The following MTUS2 variants were observed in gnomAD, a reference collection of about 807,000 sequenced individuals.
MTUS2 encodes microtubule-associated tumor suppressor candidate 2.
In MTUS2, 40 loss-of-function variants were observed where a neutral mutation model predicts 114.1. That is an observed-to-expected ratio of 0.35 (90% CI 0.27 to 0.46). The LOEUF is 0.46. Among genes scored for constraint, MTUS2 ranks in the 20% least tolerant of loss-of-function variants. MTUS2 has a pLI of 1.00. For missense variants in MTUS2, 1,679 were observed against 1,705.4 expected (o/e 0.98, Z 0.27); for synonymous variants, 688 against 672.0 (o/e 1.02, Z -0.37).
intron 5 of MTUS2, among the ~76,000 whole-genome samples, chr13:29,168,446 CTCTT>C (rs1893410089): frequency 6.6e-6 from 1 of 152,150 alleles, no homozygotes; most frequent in South Asian, 2.1e-4. Flanking sequence ...TGTGAATTAT[CTCTT>C]CATATTCTCA....
chr13:29,206,282 A>T (rs1219599751), intron 5 of MTUS2, among the ~76,000 whole-genome samples: 3 of 152,108 alleles, frequency 2.0e-5, no homozygotes, highest in Middle Eastern at 6.8e-3. Flanking sequence ...TGCTGATTTG[A>T]GTTTCTCATA....
intron 1 of MTUS2, among the ~76,000 whole-genome samples, chr13:28,835,062 T>A (rs1874976239): frequency 6.6e-6 from 1 of 152,226 alleles, no homozygotes; most frequent in South Asian, 2.1e-4. Flanking sequence ...TGGTACTTGC[T>A]GGTGGGACTG....
rs147372241 is a variant in MTUS2, at chr13:29,224,318, C to T, written c.2645-57386C>T. 2.8e-4 allele frequency among the ~76,000 whole-genome samples: 42 copies of T among 152,240 alleles called. No homozygotes were observed. The East Asian group carries it at 7.9e-3, about 29-fold the overall frequency. On this transcript the variant is annotated intron_variant, in intron 5 of 15. Coordinates refer to ENST00000612955, the MANE Select transcript of MTUS2 (RefSeq NM_001033602.4). ...CTTCATGTCTTCTGTAAGATGTAGTCCTGAGTGCTTTACATTTTTCCAGCT... is the reference window on the plus strand; with the variant it reads ...CTTCATGTCTTCTGTAAGATGTAGTTCTGAGTGCTTTACATTTTTCCAGCT...
At chr13:28,898,043 A>AACCT (rs1879392739) in intron 2 of MTUS2, among the ~76,000 whole-genome samples, 1 of 152,118 alleles carries the variant, frequency 6.6e-6, no homozygotes, top group South Asian at 2.1e-4. Flanking sequence ...TAAAACTTAA[A>AACCT]GTATAAAAAA....
At chr13:28,866,343 C>T (rs1877297705) in intron 2 of MTUS2, among the ~76,000 whole-genome samples, 1 of 152,166 alleles carries the variant, frequency 6.6e-6, no homozygotes, top group African/African-American at 2.4e-5. Flanking sequence ...ATCAGAGCAT[C>T]CTTTTCCTGA....
In MTUS2 at chr13:29,215,266, C is replaced by T. The variant is rs184446890; in HGVS notation, c.2645-66438C>T. On this transcript the variant is annotated intron_variant, in intron 5 of 15. Transcript: ENST00000612955. ...TGTTCTATATAGCAGTTCCTGTAAG[C>T]TTTTATCAAGGTTCTTAGCTTCCTC... Among the ~76,000 whole-genome samples, 12 of 151,952 alleles carry T rather than the reference C, an allele frequency of 7.9e-5. No individual in the cohort carries two copies. In the East Asian group the frequency reaches 2.3e-3, roughly 30 times the overall value.
rs1014774027 is a variant in MTUS2 at position 29,362,729 on chromosome 13, A to G, written c.3117+3256A>G. 5.3e-5 allele frequency among the ~76,000 whole-genome samples: 8 copies of G among 152,330 alleles called. No individual in the cohort carries two copies. The South Asian group carries it at 1.0e-3, about 20-fold the overall frequency. Reference sequence around the variant, plus strand: ...ATGAAAATGAAAATAATTTTCTAGTATAGCTCTTCAGTTGCTGCTATATAT... The same window carrying G: ...ATGAAAATGAAAATAATTTTCTAGTGTAGCTCTTCAGTTGCTGCTATATAT... On this transcript the variant is annotated intron_variant, in intron 8 of 15. Transcript: ENST00000612955.
At position 28,980,334 on chromosome 13, in the gene MTUS2, T is replaced by A. The variant is rs571396175; in HGVS notation, c.-242-44123T>A. On this transcript the variant is annotated intron_variant, in intron 2 of 15. Transcript: ENST00000612955. ...AAAAGTTAAGAGAGACATTAGAAGG[T>A]ATGCTTTGAGAAGTTTTACTGCCAA... Among the ~76,000 whole-genome samples, 120 of 152,318 alleles carry A rather than the reference T, an allele frequency of 7.9e-4. 3 individuals carry two copies. In the South Asian group the frequency reaches 0.024, roughly 30 times the overall value.
intron 2 of MTUS2, among the ~76,000 whole-genome samples, chr13:29,001,457 T>G (rs1885380385): frequency 6.6e-6 from 1 of 151,712 alleles, no homozygotes; most frequent in African/African-American, 2.4e-5. Flanking sequence ...AAAGGAGGAG[T>G]CAGGGGTGAC....
At chr13:29,056,414 A>C (rs326512) in intron 4 of MTUS2, among the ~76,000 whole-genome samples, 1 of 152,092 alleles carries the variant, frequency 6.6e-6, no homozygotes, top group South Asian at 2.1e-4. Flanking sequence ...AGTGGAAATG[A>C]TACCAATTCT....
chr13:29,142,711 A>C (rs957306976), intron 5 of MTUS2, among the ~76,000 whole-genome samples: 11 of 152,206 alleles, frequency 7.2e-5, no homozygotes, highest in African/African-American at 2.7e-4. Context: ...CTCAAAACAA[A>C]AACAAAAACA....
At chr13:29,064,797 GCAGGC>G (rs1888588910) in intron 4 of MTUS2, among the ~76,000 whole-genome samples, 1 of 152,008 alleles carries the variant, frequency 6.6e-6, no homozygotes, top group South Asian at 2.1e-4. Flanking sequence ...TCACCCTCAG[GCAGGC>G]TCCAGTGTCT....
chr13:29,160,751 CAG>C (rs1193109891), intron 5 of MTUS2, among the ~76,000 whole-genome samples: 1 of 147,480 alleles, frequency 6.8e-6, no homozygotes, highest in Non-Finnish European at 1.5e-5. Context: ...GCCTGGGTGA[CAG>C]AGCGAGACTC....
intron 6 of MTUS2, among the ~76,000 whole-genome samples, chr13:29,290,728 A>T (rs1191413776): frequency 1.3e-5 from 2 of 152,138 alleles, no homozygotes; most frequent in East Asian, 3.9e-4. Flanking sequence ...CTTGACCTAA[A>T]TGTTGCCTGT....
intron 8 of MTUS2, among the ~76,000 whole-genome samples, chr13:29,404,351 C>T (rs529116233): frequency 5.3e-5 from 8 of 151,108 alleles, no homozygotes; most frequent in African/African-American, 1.2e-4. Context: ...GACCCTGTCT[C>T]GAAAAAACAA....
chr13:29,303,978 A>C (rs528402052), intron 6 of MTUS2, among the ~76,000 whole-genome samples: 2 of 152,336 alleles, frequency 1.3e-5, no homozygotes, highest in South Asian at 4.1e-4. Context: ...TTGGAGGCCA[A>C]TAGTCAACAT....
chr13:29,211,995 T>A (rs1225430003), intron 5 of MTUS2, among the ~76,000 whole-genome samples: 3 of 152,152 alleles, frequency 2.0e-5, no homozygotes, highest in Non-Finnish European at 4.4e-5. Context: ...TAATTTCTAT[T>A]CTTTTGACTC....
chr13:29,280,543 C>T (rs1031513526), intron 5 of MTUS2, among the ~76,000 whole-genome samples: 1 of 152,186 alleles, frequency 6.6e-6, no homozygotes, highest in African/African-American at 2.4e-5. Flanking sequence ...ATGTTAGGAA[C>T]ACTAAAGCCA....
At chr13:29,104,168 A>G (rs953196804) in intron 5 of MTUS2, among the ~76,000 whole-genome samples, 8 of 152,150 alleles carry the variant, frequency 5.3e-5, no homozygotes, top group South Asian at 2.1e-4. Context: ...GTGCTCTTCT[A>G]TGTCTTTTTA....
Sources: allele counts gnomAD v4.1 joint callset (sites outside exome capture counted in the v4.1 genomes callset), GRCh38; gene constraint gnomAD v4.1.1; transcripts MANE v1.5; gene names NCBI Gene and HGNC (gene_info 2026-07-23, HGNC 2026-07-21).